DLG2: variants seen among roughly 807,000 people sequenced by gnomAD.
The protein encoded by DLG2 is disks large homolog 2.
A neutral mutation model predicts 132.5 loss-of-function variants in DLG2; 45 were observed. The ratio of observed to expected loss-of-function variants is 0.34; its 90% CI spans 0.27 to 0.44. DLG2 has a LOEUF of 0.44. Ranked by LOEUF, DLG2 falls within the 20% of genes least tolerant of loss-of-function variation. DLG2 has a pLI of 1.00. For missense variants in DLG2, 1,045 were observed against 1,196.9 expected (o/e 0.87, Z 1.87); for synonymous variants, 424 against 419.6 (o/e 1.01, Z -0.13).
intron 18 of DLG2, among the ~76,000 whole-genome samples, chr11:83,727,166 G>A (rs1444701179): frequency 1.3e-5 from 2 of 152,100 alleles, no homozygotes; most frequent in East Asian, 3.8e-4. Flanking sequence ...CCTCTACATA[G>A]TCTACATAGA....
chr11:84,956,400 A>G (rs2051670563), intron 6 of DLG2, among the ~76,000 whole-genome samples: 1 of 152,190 alleles, frequency 6.6e-6, no homozygotes, highest in South Asian at 2.1e-4. Context: ...TAAATTATTC[A>G]CAGTCCTGCC....
intron 6 of DLG2, among the ~76,000 whole-genome samples, chr11:84,662,368 T>G (rs981375851): frequency 6.6e-6 from 1 of 151,830 alleles, no homozygotes; most frequent in African/African-American, 2.4e-5. Context: ...TAGAGATGGA[T>G]TTCTCCATGT....
At chr11:84,290,000 A>G (rs2097966084) in intron 7 of DLG2, among the ~76,000 whole-genome samples, 1 of 152,254 alleles carries the variant, frequency 6.6e-6, no homozygotes, top group Non-Finnish European at 1.5e-5. Context: ...GATCACTCCC[A>G]ATAACTAAGT....
chr11:84,034,292 T>C (rs1430918089), intron 11 of DLG2, among the ~76,000 whole-genome samples: 1 of 152,082 alleles, frequency 6.6e-6, no homozygotes, highest in Non-Finnish European at 1.5e-5. Context: ...TAAAGTATTT[T>C]TTAATTAAGG....
intron 7 of DLG2, among the ~76,000 whole-genome samples, chr11:84,480,982 G>C (rs915496874): frequency 6.6e-6 from 1 of 151,820 alleles, no homozygotes; most frequent in Admixed American, 6.6e-5. Context: ...CAGGTGGTCT[G>C]CCCACCTCGG....
chr11:83,857,640 T>C (rs964178769), intron 16 of DLG2, among the ~76,000 whole-genome samples: 1 of 152,216 alleles, frequency 6.6e-6, no homozygotes, highest in Non-Finnish European at 1.5e-5. Context: ...ACCCTTAGAA[T>C]GTGCAACACT....
intron 3 of DLG2, among the ~76,000 whole-genome samples, chr11:85,349,774 G>T (rs2083137793): frequency 6.6e-6 from 1 of 152,130 alleles, no homozygotes; most frequent in Non-Finnish European, 1.5e-5. Context: ...GTATTCCATG[G>T]TGTATATGTG....
At chr11:84,071,384 C>G (rs1050149905) in intron 10 of DLG2, among the ~76,000 whole-genome samples, 4 of 152,020 alleles carry the variant, frequency 2.6e-5, no homozygotes, top group African/African-American at 9.7e-5. Context: ...GGATTACAGG[C>G]GCGAGCTACC....
At position 83,883,400 on chromosome 11, in the gene DLG2, C is replaced by T. The variant is rs536849620; in HGVS notation, c.1497-8912G>A. Reference sequence around the variant, plus strand: ...TTTCTTATATAAATTATACCTTAATCCATCATCCATACTTTCCATGCTGGA... The same window carrying T: ...TTTCTTATATAAATTATACCTTAATTCATCATCCATACTTTCCATGCTGGA... On this transcript the variant is annotated intron_variant, in intron 15 of 27. Transcript: ENST00000376104. 2.6e-5 allele frequency among the ~76,000 whole-genome samples: 4 copies of T among 152,216 alleles called. No homozygotes were observed. In the South Asian group the frequency reaches 8.3e-4, roughly 32 times the overall value.
intron 6 of DLG2, chr11:84,762,003 C>T (rs2067694352): frequency 6.6e-6 from 1 of 152,082 alleles, no homozygotes; most frequent in Non-Finnish European, 1.5e-5. Context: ...CCATCATTCA[C>T]ATGTATATTT....
chr11:85,468,383 A>G (rs973957418), intron 3 of DLG2, among the ~76,000 whole-genome samples: 6 of 152,014 alleles, frequency 3.9e-5, no homozygotes, highest in African/African-American at 1.4e-4. Context: ...TTGCTTCTCT[A>G]GTTCTTTTAA....
At chr11:84,200,150 C>T (rs966960005) in intron 8 of DLG2, among the ~76,000 whole-genome samples, 7 of 151,692 alleles carry the variant, frequency 4.6e-5, no homozygotes, top group African/African-American at 1.7e-4. Context: ...TTGGAGTACT[C>T]GAAGGGAAGG....
intron 8 of DLG2, among the ~76,000 whole-genome samples, chr11:84,236,047 A>AT (rs1555444441): frequency 0.097 from 8,537 of 87,598 alleles, 238 homozygotes; most frequent in Middle Eastern, 0.13. Flanking sequence ...TCTCCATTTT[A>AT]TTAAAAAAAA....
At chr11:84,517,028 T>C (rs1232956334) in intron 7 of DLG2, among the ~76,000 whole-genome samples, 1 of 69,478 alleles carries the variant, frequency 1.4e-5, no homozygotes, top group Non-Finnish European at 3.2e-5. Context: ...AAAAAATAAA[T>C]AAATAAATAA....
chr11:84,218,242 AAG>A (rs2096863389), intron 8 of DLG2, among the ~76,000 whole-genome samples: 1 of 133,918 alleles, frequency 7.5e-6, no homozygotes. Context: ...GAAGGAAAGG[AAG>A]GAAGGAAGGA....
intron 7 of DLG2, among the ~76,000 whole-genome samples, chr11:84,431,731 C>T (rs890394321): frequency 3.3e-5 from 5 of 151,986 alleles, no homozygotes; most frequent in African/African-American, 9.7e-5. Flanking sequence ...ATATTTTAAA[C>T]ACTTTATTTA....
At chr11:83,883,980 G>T (rs1308994637) in intron 15 of DLG2, among the ~76,000 whole-genome samples, 2 of 141,514 alleles carry the variant, frequency 1.4e-5, no homozygotes, top group Admixed American at 1.4e-4. Flanking sequence ...GGCCGAATAG[G>T]AACAGCTCCG....
chr11:83,648,225 C>A (rs2068860933), intron 18 of DLG2, among the ~76,000 whole-genome samples: 1 of 152,094 alleles, frequency 6.6e-6, no homozygotes, highest in Non-Finnish European at 1.5e-5. Flanking sequence ...TGTGTTGGTA[C>A]ACACAGTACA....
At chr11:84,540,072 T>G (rs2099364474) in intron 6 of DLG2, among the ~76,000 whole-genome samples, 1 of 152,096 alleles carries the variant, frequency 6.6e-6, no homozygotes, top group South Asian at 2.1e-4. Flanking sequence ...ATGTTAGACC[T>G]AAAACCATAA....
Sources: gnomAD v4.1 joint callset for allele counts (sites outside exome capture counted in the v4.1 genomes callset) on GRCh38, gnomAD v4.1.1 for gene constraint, MANE v1.5 for transcripts, NCBI Gene and HGNC (gene_info 2026-07-23, HGNC 2026-07-21) for gene names.